The following LDB2 variants were observed in gnomAD, a reference collection of about 807,000 sequenced individuals.
The protein encoded by LDB2 is LIM domain-binding protein 2.
A neutral mutation model predicts 44.3 loss-of-function variants in LDB2; 12 were observed. The ratio of observed to expected loss-of-function variants is 0.27; its 90% CI spans 0.17 to 0.44. The LOEUF is 0.44. LDB2 is among the 20% of genes least tolerant of loss of function. The pLI is 1.00. For missense variants in LDB2, 344 were observed against 473.5 expected (o/e 0.73, Z 2.54); for synonymous variants, 164 against 174.8 (o/e 0.94, Z 0.49).
intron 2 of LDB2, among the ~76,000 whole-genome samples, chr4:16,602,330 C>G (rs1158004041): frequency 2.6e-5 from 4 of 152,136 alleles, no homozygotes; most frequent in Non-Finnish European, 5.9e-5. Context: ...GTGCGAAGAT[C>G]TGGAATTAAA....
intron 2 of LDB2, among the ~76,000 whole-genome samples, chr4:16,697,077 T>G (rs1752286148): frequency 6.6e-6 from 1 of 152,064 alleles, no homozygotes; most frequent in African/African-American, 2.4e-5. Flanking sequence ...CCTCAAGAAC[T>G]GCCAAGCACT....
rs572562717 is a variant in LDB2, at chr4:16,556,625, T to C, written c.615+29297A>G. On this transcript the variant is annotated intron_variant, in intron 5 of 7. Transcript: ENST00000304523. Reference sequence around the variant, plus strand: ...GAAATTGCCTGAAGCCACTGGGAAATTAATAAGGAAGTAATGGTTTAAAGA... The same window carrying C: ...GAAATTGCCTGAAGCCACTGGGAAACTAATAAGGAAGTAATGGTTTAAAGA... Among the ~76,000 whole-genome samples, 6 of 152,234 alleles carry C rather than the reference T, an allele frequency of 3.9e-5. No homozygotes were observed. The East Asian group carries it at 1.2e-3, about 29-fold the overall frequency.
chr4:16,640,870 T>C (rs1734936761), intron 2 of LDB2, among the ~76,000 whole-genome samples: 1 of 152,216 alleles, frequency 6.6e-6, no homozygotes, highest in African/African-American at 2.4e-5. Flanking sequence ...AAATAGGTCC[T>C]TATTAGGAAA....
chr4:16,531,876 A>C (rs1730262615), intron 5 of LDB2, among the ~76,000 whole-genome samples: 1 of 152,188 alleles, frequency 6.6e-6, no homozygotes, highest in Non-Finnish European at 1.5e-5. Context: ...TGTGTAAGGA[A>C]ATATGCCCAC....
At chr4:16,854,783 G>A (rs140117283) in intron 1 of LDB2, among the ~76,000 whole-genome samples, 5 of 151,234 alleles carry the variant, frequency 3.3e-5, no homozygotes, top group African/African-American at 7.3e-5. Flanking sequence ...AGTGATATAC[G>A]CTATATTAAT....
At chr4:16,548,854 A>C (rs972208771) in intron 5 of LDB2, among the ~76,000 whole-genome samples, 1 of 152,244 alleles carries the variant, frequency 6.6e-6, no homozygotes, top group Non-Finnish European at 1.5e-5. Context: ...GAAAACAGCA[A>C]AGTGTGCTAG....
intron 2 of LDB2, among the ~76,000 whole-genome samples, chr4:16,715,710 C>T (rs548081626): frequency 6.6e-6 from 1 of 152,262 alleles, no homozygotes; most frequent in South Asian, 2.1e-4. Flanking sequence ...CATTTTCATA[C>T]ACTCTCTTTT....
intron 1 of LDB2, among the ~76,000 whole-genome samples, chr4:16,853,862 A>C (rs1447854149): frequency 1.3e-5 from 2 of 152,178 alleles, no homozygotes; most frequent in Admixed American, 6.6e-5. Flanking sequence ...ATGCAATGTG[A>C]AATAAGCCAG....
At position 16,898,572 on chromosome 4, in the gene LDB2, T is replaced by C. The variant is rs1725976949; in HGVS notation, c.-87A>G. ...GGGCTGTGTTCTTCCCAGTACAAAG[T>C]AGACGCACGCACACACGCTCACACA... On this transcript the variant is annotated 5_prime_UTR_variant, in exon 1 of 8. Coordinates refer to ENST00000304523, the MANE Select transcript of LDB2 (RefSeq NM_001290.5). 2.2e-6 allele frequency: 3 copies of C among 1,375,400 alleles called. No individual in the cohort carries two copies. Among genetic ancestry groups the C allele is most frequent in the Non-Finnish European group, 3.0e-6 (3 of 991,512 alleles). The allele number at this position is 1,375,400 out of a possible 1,614,324, so 85.2% of individuals were successfully genotyped here.
intron 2 of LDB2, among the ~76,000 whole-genome samples, chr4:16,645,724 G>A (rs2152517350): frequency 6.6e-6 from 1 of 152,142 alleles, no homozygotes; most frequent in East Asian, 1.9e-4. Context: ...TTTCTATTTG[G>A]CACATCCAGG....
At position 16,748,461 on chromosome 4, in the gene LDB2, C is replaced by T. The variant is rs74762507; in HGVS notation, c.235+10697G>A. ...GATTAAACAATAAATAAAACATACC[C>T]TGATGGGTAATTTTGTCATGGAGCC... On this transcript the variant is annotated intron_variant, in intron 2 of 7. Coordinates refer to ENST00000304523, the MANE Select transcript of LDB2 (RefSeq NM_001290.5). Among the ~76,000 whole-genome samples the T allele has an allele frequency of 2.2e-3, 338 of 152,288 alleles. 2 individuals carry two copies. The highest frequency in any genetic ancestry group is 7.5e-3 in the African/African-American group (310 of 41,570).
intron 2 of LDB2, among the ~76,000 whole-genome samples, chr4:16,661,917 T>G (rs185202347): frequency 6.6e-6 from 1 of 152,250 alleles, no homozygotes; most frequent in East Asian, 1.9e-4. Context: ...GAACTTTAAT[T>G]ACTGGGGCAG....
chr4:16,504,314 C>A (rs115175947), intron 7 of LDB2, among the ~76,000 whole-genome samples: 1,584 of 152,282 alleles, frequency 0.01, 22 homozygotes, highest in African/African-American at 0.036. Context: ...TAGTCTTTTA[C>A]AATGGAAAAC....
chr4:16,518,605 G>A (rs944147318), intron 5 of LDB2, among the ~76,000 whole-genome samples: 4 of 151,602 alleles, frequency 2.6e-5, no homozygotes, highest in Non-Finnish European at 5.9e-5. Flanking sequence ...AGCTGCTTTT[G>A]TGCTACAGCA....
intron 2 of LDB2, among the ~76,000 whole-genome samples, chr4:16,734,812 G>A (rs1056550284): frequency 2.7e-5 from 4 of 150,590 alleles, no homozygotes; most frequent in Non-Finnish European, 5.9e-5. Flanking sequence ...GGGTTCAAGC[G>A]ATTCTCCTGC....
chr4:16,694,759 C>T (rs1377287230), intron 2 of LDB2, among the ~76,000 whole-genome samples: 1 of 152,178 alleles, frequency 6.6e-6, no homozygotes, highest in Non-Finnish European at 1.5e-5. Flanking sequence ...ACCATGTACT[C>T]GTCGGCTACA....
At chr4:16,650,809 T>C (rs565190600) in intron 2 of LDB2, among the ~76,000 whole-genome samples, 4 of 152,252 alleles carry the variant, frequency 2.6e-5, no homozygotes, top group Admixed American at 2.6e-4. Flanking sequence ...CCTTAAAAAG[T>C]GGGAGTCACT....
chr4:16,811,735 G>A (rs1453738899), intron 1 of LDB2, among the ~76,000 whole-genome samples: 4 of 152,156 alleles, frequency 2.6e-5, no homozygotes, highest in African/African-American at 9.7e-5. Context: ...AAAACATTAC[G>A]TTCTCCATTG....
intron 7 of LDB2, among the ~76,000 whole-genome samples, chr4:16,503,900 C>T (rs1472426030): frequency 2.6e-5 from 4 of 152,190 alleles, no homozygotes; most frequent in African/African-American, 9.7e-5. Flanking sequence ...AATGCATACA[C>T]AGGGCAGAGC....
Sources: allele counts gnomAD v4.1 joint callset (sites outside exome capture counted in the v4.1 genomes callset), GRCh38; gene constraint gnomAD v4.1.1; transcripts MANE v1.5; gene names NCBI Gene and HGNC (gene_info 2026-07-23, HGNC 2026-07-21).